TTC6: variants seen among roughly 807,000 people sequenced by gnomAD.
The protein encoded by TTC6 is tetratricopeptide repeat protein 6.
A neutral mutation model predicts 210.4 loss-of-function variants in TTC6; 172 were observed. The observed-to-expected ratio is 0.82, with a 90% CI of 0.72 to 0.93. The LOEUF is 0.93. Ranked by LOEUF, TTC6 falls within the 40% of genes least tolerant of loss-of-function variation. The probability of loss-of-function intolerance (pLI) is 0.00; values close to 1 mark genes in which losing one functional copy is unlikely to be tolerated. For synonymous variants in TTC6, 804 were observed against 819.6 expected (o/e 0.98, Z 0.32); for missense variants, 2,414 against 2,318.1 (o/e 1.04, Z -0.85).
intron 1 of TTC6, among the ~76,000 whole-genome samples, chr14:37,645,181 A>G (rs2095699292): frequency 6.6e-6 from 1 of 152,172 alleles, no homozygotes; most frequent in Non-Finnish European, 1.5e-5. Flanking sequence ...TAGCTTTCCA[A>G]AACTTTTCAG....
intron 15 of TTC6, among the ~76,000 whole-genome samples, chr14:37,790,381 A>G (rs2096076719): frequency 6.6e-6 from 1 of 152,108 alleles, no homozygotes; most frequent in African/African-American, 2.4e-5. Flanking sequence ...TTTGCCATTG[A>G]CTGGTATATC....
At chr14:37,743,383 A>G (rs2095926832) in intron 10 of TTC6, among the ~76,000 whole-genome samples, 2 of 152,196 alleles carry the variant, frequency 1.3e-5, no homozygotes, top group Non-Finnish European at 2.9e-5. Flanking sequence ...CCTTCTAGAA[A>G]GTTACATAGC....
At chr14:37,724,725 G>C (rs1372862917) in intron 6 of TTC6, among the ~76,000 whole-genome samples, 173 bp from the exon 9 acceptor site, 3 of 152,116 alleles carry the variant, frequency 2.0e-5, no homozygotes, top group Non-Finnish European at 2.9e-5. Flanking sequence ...TGGTAATGCA[G>C]ACTTTTACAT....
At chr14:37,784,832 C>G (rs180783379) in intron 14 of TTC6, among the ~76,000 whole-genome samples, 1 of 152,302 alleles carries the variant, frequency 6.6e-6, no homozygotes, top group East Asian at 1.9e-4. Flanking sequence ...GACAAAATCT[C>G]TCAGCATTTG....
exon 18 of TTC6, chr14:37,795,289 C>T (rs2096089991): frequency 6.5e-7 from 1 of 1,531,302 alleles, no homozygotes; most frequent in Admixed American, 2.0e-5. Context: ...TTGAAAAAGG[C>T]AGTAAATGAA....
At chr14:37,657,515 G>C (rs183422575) in intron 1 of TTC6, among the ~76,000 whole-genome samples, 1 of 152,008 alleles carries the variant, frequency 6.6e-6, no homozygotes. Context: ...TGGTGTCTCT[G>C]GGGGACTGAA....
intron 7 of TTC6, among the ~76,000 whole-genome samples, chr14:37,727,364 G>A (rs1595159347): frequency 6.9e-6 from 1 of 144,178 alleles, no homozygotes; most frequent in Non-Finnish European, 1.5e-5. Flanking sequence ...TGCGATCTTG[G>A]CTCACTGCAA....
intron 7 of TTC6, 71 bp downstream of exon 9, chr14:37,725,073 T>C: frequency 1.1e-6 from 1 of 886,832 alleles, no homozygotes. Flanking sequence ...TATAATTGGC[T>C]ATGACATTCA....
intron 1 of TTC6, among the ~76,000 whole-genome samples, chr14:37,645,684 G>A (rs1310081242): frequency 1.3e-5 from 2 of 152,154 alleles, no homozygotes; most frequent in African/African-American, 4.8e-5. Flanking sequence ...GGAGGAGATA[G>A]TGCAAGGCTC....
chr14:37,701,079 T>TGCCTG (rs2095824414), intron 4 of TTC6, among the ~76,000 whole-genome samples: 1 of 152,098 alleles, frequency 6.6e-6, no homozygotes, highest in African/African-American at 2.4e-5. Context: ...GATCCTGAGA[T>TGCCTG]GCCTGTAGAC....
At chr14:37,803,238 A>G (rs1190518136) in intron 20 of TTC6, among the ~76,000 whole-genome samples, 3 of 152,022 alleles carry the variant, frequency 2.0e-5, no homozygotes, top group Non-Finnish European at 4.4e-5. Context: ...CCACCCAATC[A>G]ATAGTGATGT....
intron 29 of TTC6, among the ~76,000 whole-genome samples, chr14:37,832,334 T>TTTTTTTTTTTTTTTTTCTTTTTTTTC (rs1566980465): frequency 1.1e-4 from 1 of 8,944 alleles, no homozygotes; most frequent in Non-Finnish European, 3.9e-4. Flanking sequence ...TCTCTCTTTT[T>TTTTTTTTTTTTTTTTTCTTTTTTTTC]TTTTTTTTTT....
chr14:37,655,873 C>CTT (rs71433911), intron 1 of TTC6, among the ~76,000 whole-genome samples: 7 of 144,088 alleles, frequency 4.9e-5, no homozygotes, highest in Non-Finnish European at 7.6e-5. Context: ...TTGACTTCAG[C>CTT]TTTTTTTTTT....
chr14:37,652,742 AAG>A (rs2095715274), intron 1 of TTC6, among the ~76,000 whole-genome samples: 1 of 152,166 alleles, frequency 6.6e-6, no homozygotes, highest in South Asian at 2.1e-4. Context: ...CGCCTCCATT[AAG>A]AGAAGATTTG....
chr14:37,607,767 A>G (rs188459754), intron 2 of TTC6, among the ~76,000 whole-genome samples: 3 of 152,116 alleles, frequency 2.0e-5, no homozygotes, highest in East Asian at 1.9e-4. Context: ...AGCTAGGACT[A>G]TAGGTGCATG....
chr14:37,775,571 T>C (rs2096034656), intron 14 of TTC6, among the ~76,000 whole-genome samples: 1 of 152,138 alleles, frequency 6.6e-6, no homozygotes, highest in African/African-American at 2.4e-5. Flanking sequence ...TTTATATTTT[T>C]ACTGTGCTGT....
chr14:37,830,928 TA>T (rs2096183359), intron 29 of TTC6, among the ~76,000 whole-genome samples: 1 of 152,184 alleles, frequency 6.6e-6, no homozygotes, highest in Non-Finnish European at 1.5e-5. Context: ...ATCGTTTCTT[TA>T]TGATGAGAAT....
intron 6 of TTC6, chr14:37,720,549 A>G (rs1015487484): frequency 3.4e-5 from 5 of 148,048 alleles, no homozygotes; most frequent in African/African-American, 1.0e-4. Flanking sequence ...ACACTGAAGC[A>G]GGTTGCACAG....
At chr14:37,825,374 T>C (rs534253757) in intron 27 of TTC6, among the ~76,000 whole-genome samples, 1 of 152,188 alleles carries the variant, frequency 6.6e-6, no homozygotes, top group Non-Finnish European at 1.5e-5. Flanking sequence ...TCTTGTTCCC[T>C]TAACAGTTGT....
Sources: gnomAD v4.1 joint callset for allele counts (sites outside exome capture counted in the v4.1 genomes callset) on GRCh38, gnomAD v4.1.1 for gene constraint, MANE v1.5 for transcripts, NCBI Gene and HGNC (gene_info 2026-07-23, HGNC 2026-07-21) for gene names.